The following PCID2 variants were observed in gnomAD, a reference collection of about 807,000 sequenced individuals.
PCID2 encodes the protein PCI domain containing 2, also known as PCI domain-containing protein 2.
In PCID2, 41 loss-of-function variants were observed where a neutral mutation model predicts 61.3. That is an observed-to-expected ratio of 0.67 (90% confidence interval 0.52 to 0.87). The LOEUF (loss-of-function observed/expected upper bound fraction) is 0.87, where lower values mean the gene tolerates loss of function less well. PCID2 is among the 40% of genes least tolerant of loss of function. The pLI is 0.00. For missense variants in PCID2, 392 were observed against 493.4 expected, an observed-to-expected ratio of 0.79 and a Z score of 1.95; for synonymous variants, 187 against 177.8, an observed-to-expected ratio of 1.05 and a Z score of -0.41.
At chr13:113,181,268 G>A (rs771131840) in intron 9 of PCID2, 38 bp from the exon 10 acceptor site, 16 of 1,314,364 alleles carry the variant, frequency 1.2e-5, no homozygotes, top group Non-Finnish European at 1.7e-5. Flanking sequence ...TGAGACCAAC[G>A]CACCTGCTTC....
chr13:113,198,472 T>C (rs1411797459), intron 2 of PCID2, among the ~76,000 whole-genome samples: 2 of 152,078 alleles, frequency 1.3e-5, no homozygotes, highest in Non-Finnish European at 2.9e-5. Context: ...GAGGGCGAGG[T>C]GGGCAGATCA....
the PCID2 span, chr13:113,170,498 C>A: frequency 6.3e-7 from 1 of 1,597,262 alleles, no homozygotes; most frequent in South Asian, 1.1e-5. Flanking sequence ...GCAAAATGTT[C>A]ACTGTTACAC....
chr13:113,207,949 G>A, intron 1 of PCID2: 2 of 1,277,550 alleles, frequency 1.6e-6, no homozygotes, highest in Non-Finnish European at 2.3e-6. Context: ...TCTGAAGACA[G>A]GCATAGTTTA....
intron 1 of PCID2, among the ~76,000 whole-genome samples, chr13:113,203,710 C>T (rs999593338): frequency 3.9e-5 from 6 of 152,296 alleles, no homozygotes; most frequent in African/African-American, 9.6e-5. Context: ...CTGGCTCCCT[C>T]GAGACCATCT....
intron 5 of PCID2, 128 bp downstream of exon 5, chr13:113,196,053 T>C (rs1203775752): frequency 8.8e-6 from 6 of 685,000 alleles, no homozygotes; most frequent in Admixed American, 5.8e-5. Context: ...TATTACCATA[T>C]GTCAACACAC....
At chr13:113,201,079 TG>T (rs1566980550) in intron 1 of PCID2, among the ~76,000 whole-genome samples, 1 of 152,172 alleles carries the variant, frequency 6.6e-6, no homozygotes, top group African/African-American at 2.4e-5. Flanking sequence ...ATACAGCTTA[TG>T]AAAAAGAAAT....
chr13:113,193,406 A>G (rs780871002), intron 6 of PCID2, among the ~76,000 whole-genome samples: 12 of 152,210 alleles, frequency 7.9e-5, no homozygotes, highest in Non-Finnish European at 1.8e-4. Context: ...TTTCACCATC[A>G]GGCAGAGAAA....
At chr13:113,184,254 A>G (rs1356381024) in intron 9 of PCID2, 92 bp downstream of exon 9, 1 of 1,150,472 alleles carries the variant, frequency 8.7e-7, no homozygotes. Flanking sequence ...AATAAAATAC[A>G]GTAATTGTGT....
At chr13:113,176,271 GTA>G (rs1340090327), downstream of PCID2, among the ~76,000 whole-genome samples, 1 of 152,262 alleles carries the variant, frequency 6.6e-6, no homozygotes, top group African/African-American at 2.4e-5. Context: ...TTCTTCTTTA[GTA>G]AATTTTTTAT....
intron 10 of PCID2, 87 bp downstream of exon 10, chr13:113,181,043 A>G (rs1255590389): frequency 1.2e-6 from 1 of 849,042 alleles, no homozygotes; most frequent in Non-Finnish European, 2.0e-6. Flanking sequence ...TCAACTACAG[A>G]CTGTCTGCTA....
the PCID2 span, chr13:113,170,345 G>T: frequency 3.6e-5 from 35 of 973,830 alleles, 1 homozygote; most frequent in Middle Eastern, 1.0e-3. Context: ...TCCCTATCCA[G>T]TAGACTTTAC....
the PCID2 span, among the ~76,000 whole-genome samples, chr13:113,169,567 T>C: frequency 6.6e-6 from 1 of 152,232 alleles, no homozygotes; most frequent in African/African-American, 2.4e-5. Flanking sequence ...CACAGTTAGG[T>C]TGGAAATACT....
intron 9 of PCID2, among the ~76,000 whole-genome samples, chr13:113,183,355 G>GA (rs1194899406): frequency 6.6e-6 from 1 of 150,914 alleles, no homozygotes; most frequent in African/African-American, 2.4e-5. Flanking sequence ...ATCCTCAGAA[G>GA]AAAAAAAATC....
At chr13:113,183,842 G>A in intron 9 of PCID2, 1 of 985,418 alleles carries the variant, frequency 1.0e-6, no homozygotes, top group Non-Finnish European at 1.2e-6. Context: ...GTGCGAGGCT[G>A]TTTAAACAGG....
chr13:113,189,508 C>T (rs2038415056), intron 7 of PCID2, among the ~76,000 whole-genome samples: 1 of 151,932 alleles, frequency 6.6e-6, no homozygotes, highest in Non-Finnish European at 1.5e-5. Context: ...TATATGGATA[C>T]CTTTGATAAT....
intron 9 of PCID2, chr13:113,183,950 G>A (rs1346356578): frequency 5.1e-6 from 5 of 985,122 alleles, no homozygotes; most frequent in South Asian, 4.7e-5. Context: ...ATCTCCATGC[G>A]GGATGTGTAG....
At chr13:113,178,469 T>G (rs1259721601) in intron 13 of PCID2, 182 bp from the exon 14 acceptor site, 1 of 520,392 alleles carries the variant, frequency 1.9e-6, no homozygotes, top group Non-Finnish European at 3.5e-6. Flanking sequence ...GTGGGTTTCA[T>G]ATCCATGAAT....
intron 7 of PCID2, chr13:113,186,033 CAAAAA>C (rs869136465): frequency 2.0e-4 from 3 of 14,810 alleles, no homozygotes; most frequent in African/African-American, 4.5e-4. Flanking sequence ...AAAACAAAAA[CAAAAA>C]AAGAAAAGAA....
the PCID2 span, among the ~76,000 whole-genome samples, chr13:113,169,594 T>C: frequency 2.6e-5 from 4 of 152,230 alleles, no homozygotes; most frequent in Non-Finnish European, 5.9e-5. Context: ...CTTTGGCACA[T>C]TGCTCTTAAG....
Sources: gnomAD v4.1 joint callset for allele counts (sites outside exome capture counted in the v4.1 genomes callset) on GRCh38, gnomAD v4.1.1 for gene constraint, MANE v1.5 for transcripts, NCBI Gene and HGNC (gene_info 2026-07-23, HGNC 2026-07-21) for gene names.